Variants in GRIN2A observed in about 807,000 individuals in gnomAD.
GRIN2A encodes the protein glutamate ionotropic receptor NMDA type subunit 2A, also known as glutamate receptor ionotropic, NMDA 2A.
A neutral mutation model predicts 113.4 loss-of-function variants in GRIN2A; 22 were observed. That is an observed-to-expected ratio of 0.19 (90% CI 0.14 to 0.28). GRIN2A has a LOEUF of 0.28. GRIN2A is among the 10% of genes least tolerant of loss of function. GRIN2A has a pLI of 1.00. For synonymous variants in GRIN2A, 827 were observed against 738.4 expected (o/e 1.12, Z -1.94); for missense variants, 1,502 against 1,887.0 (o/e 0.80, Z 3.78).
At position 9,859,913 on chromosome 16, in the gene GRIN2A, A is replaced by G. The variant is rs368685636; in HGVS notation, c.1123-9952T>C. On this transcript the variant is annotated intron_variant, in intron 4 of 12. Coordinates refer to ENST00000330684, the MANE Select transcript of GRIN2A (RefSeq NM_001134407.3). ...CTCACTTGTTTATTCATGAGCCCAC[A>G]TGCCTTCAGTGCTTTCCACTGTGCC... Among the ~76,000 whole-genome samples the G allele has an allele frequency of 2.4e-4, 36 of 151,564 alleles. No individual in the cohort carries two copies. The East Asian group carries it at 6.1e-3, about 26-fold the overall frequency.
chr16:9,978,570 C>G lies in GRIN2A; in HGVS notation c.415-40019G>C, dbSNP rs574564237. The stretch of plus-strand genomic sequence containing the variant: ...CTTTCCTCCCCATCCTCCTCTTACT[C>G]CTCCTTAATGAAGCAAGATCTTCCC... On this transcript the variant is annotated intron_variant, in intron 2 of 12. Coordinates refer to ENST00000330684, the MANE Select transcript of GRIN2A (RefSeq NM_001134407.3). 3.9e-5 allele frequency among the ~76,000 whole-genome samples: 6 copies of G among 152,220 alleles called. No individual in the cohort carries two copies. In the South Asian group the frequency reaches 1.2e-3, roughly 32 times the overall value.
intron 2 of GRIN2A, among the ~76,000 whole-genome samples, chr16:10,106,293 G>A (rs996542783): frequency 2.0e-5 from 3 of 150,448 alleles, no homozygotes; most frequent in Non-Finnish European, 4.4e-5. Flanking sequence ...CTGGCACAGT[G>A]GCTCACTTCT....
At chr16:9,802,287 A>G (rs1287832461) in intron 10 of GRIN2A, among the ~76,000 whole-genome samples, 1 of 152,156 alleles carries the variant, frequency 6.6e-6, no homozygotes, top group Non-Finnish European at 1.5e-5. Context: ...ATCAACCTCA[A>G]TCAAACCCAC....
chr16:10,102,889 G>C (rs1427455720), intron 2 of GRIN2A, among the ~76,000 whole-genome samples: 1 of 152,174 alleles, frequency 6.6e-6, no homozygotes, highest in Non-Finnish European at 1.5e-5. Flanking sequence ...GATCACTCTT[G>C]CACTGGGGCA....
chr16:9,862,394 A>G (rs185354091), intron 4 of GRIN2A, among the ~76,000 whole-genome samples: 11 of 152,346 alleles, frequency 7.2e-5, no homozygotes, highest in Admixed American at 3.3e-4. Context: ...CAACTGTCTT[A>G]GAACCCAGTA....
rs535579050 is a variant in GRIN2A, at chr16:10,023,361, T to A, written c.415-84810A>T. ...CTATTTTCTTTAGTGGTTGTGTCTG[T>A]ATATATGTGGGTACATTCAGGTGTG... On this transcript the variant is annotated intron_variant, in intron 2 of 12. Transcript: ENST00000330684. Among the ~76,000 whole-genome samples the A allele has an allele frequency of 3.9e-5, 6 of 152,330 alleles. No individual in the cohort carries two copies. The South Asian group carries it at 1.2e-3, about 32-fold the overall frequency.
chr16:9,887,142 C>T (rs1422994910), intron 4 of GRIN2A, among the ~76,000 whole-genome samples: 2 of 152,168 alleles, frequency 1.3e-5, no homozygotes, highest in Admixed American at 1.3e-4. Context: ...CTGCCTTGGC[C>T]TCCCAAAGTG....
At chr16:10,179,471 C>T in intron 2 of GRIN2A, 1 of 167,838 alleles carries the variant, frequency 6.0e-6, no homozygotes, top group South Asian at 1.5e-4. Flanking sequence ...GACATTTTTT[C>T]TGCCCTTTTG....
At chr16:9,915,854 G>A (rs913571368) in intron 3 of GRIN2A, among the ~76,000 whole-genome samples, 36 of 152,204 alleles carry the variant, frequency 2.4e-4, no homozygotes, top group African/African-American at 8.0e-4. Context: ...GGTTTGTTGT[G>A]AGAATTAGAT....
rs147491915 is a variant in GRIN2A, at chr16:10,041,599, G to A, written c.415-103048C>T. Among the ~76,000 whole-genome samples the A allele has an allele frequency of 6.7e-4, 102 of 152,178 alleles. 1 individual carries two copies. The East Asian group carries it at 0.017, about 26-fold the overall frequency. The stretch of plus-strand genomic sequence containing the variant: ...TCTCACGGGGTCATTTAATGTCTCC[G>A]GGCTTGTTTCTTCATCTGTAAAATG... On this transcript the variant is annotated intron_variant, in intron 2 of 12. Coordinates refer to ENST00000330684, the MANE Select transcript of GRIN2A (RefSeq NM_001134407.3).
chr16:9,892,647 T>G (rs1325250691), intron 3 of GRIN2A, among the ~76,000 whole-genome samples: 5 of 152,154 alleles, frequency 3.3e-5, no homozygotes, highest in Non-Finnish European at 5.9e-5. Flanking sequence ...ATTTATACCC[T>G]CATCACTCCT....
At chr16:9,960,770 G>T (rs1390311217) in intron 2 of GRIN2A, among the ~76,000 whole-genome samples, 1 of 152,148 alleles carries the variant, frequency 6.6e-6, no homozygotes, top group African/African-American at 2.4e-5. Flanking sequence ...GACTACAGGT[G>T]TGTTCCACCA....
rs1018405762 is a variant in GRIN2A at position 9,762,702 on chromosome 16, T to C, written c.*447A>G. ...CATTCTTAACTGTTTTTATTTTGTC[T>C]GTGTCAGGTTTACATGCACACCATA... is the stretch of plus-strand genomic sequence containing the variant. On this transcript the variant is annotated 3_prime_UTR_variant, in exon 13 of 13. Transcript: ENST00000330684. 7 of 289,724 alleles carry C rather than the reference T, an allele frequency of 2.4e-5. No individual in the cohort carries two copies. The highest frequency in any genetic ancestry group is 1.5e-4 in the African/African-American group (7 of 46,758). The allele number at this position is 289,724 out of a possible 1,614,324, so 17.9% of individuals were successfully genotyped here. A position where few individuals can be genotyped will look rare whatever the true frequency, so the allele number is the denominator to read the frequency against.
chr16:10,076,963 C>A (rs1245093153), intron 2 of GRIN2A, among the ~76,000 whole-genome samples: 1 of 152,176 alleles, frequency 6.6e-6, no homozygotes, highest in African/African-American at 2.4e-5. Flanking sequence ...GGGAATTTAT[C>A]CTGGATGACC....
chr16:10,149,495 C>T (rs1276444986), intron 2 of GRIN2A, among the ~76,000 whole-genome samples: 1 of 152,190 alleles, frequency 6.6e-6, no homozygotes, highest in Non-Finnish European at 1.5e-5. Flanking sequence ...AAATTATCCT[C>T]AAATTTTAAA....
At position 10,048,084 on chromosome 16, in the gene GRIN2A, G is replaced by C. The variant is rs148956022; in HGVS notation, c.415-109533C>G. On this transcript the variant is annotated intron_variant, in intron 2 of 12. Transcript: ENST00000330684. The stretch of plus-strand genomic sequence containing the variant: ...CTTTACTTTAATGATTAAGAGTTCA[G>C]ACTCAATAGTTATATTTCCTGATTA... Among the ~76,000 whole-genome samples the C allele has an allele frequency of 6.6e-3, 997 of 152,206 alleles. 5 individuals are homozygous for C. The highest frequency in any genetic ancestry group is 0.017 in the Middle Eastern group (5 of 294).
chr16:9,771,895 C>T (rs1214821213), intron 11 of GRIN2A, among the ~76,000 whole-genome samples: 2 of 152,186 alleles, frequency 1.3e-5, no homozygotes, highest in Non-Finnish European at 2.9e-5. Context: ...CTGACAGCTT[C>T]AAACAGATGG....
chr16:10,175,092 CT>C (rs1388212586), intron 2 of GRIN2A, among the ~76,000 whole-genome samples: 4 of 152,148 alleles, frequency 2.6e-5, no homozygotes, highest in African/African-American at 9.7e-5. Context: ...GTAGAGTATG[CT>C]GTAGAGGCTT....
chr16:10,108,002 G>T (rs1263175841), intron 2 of GRIN2A, among the ~76,000 whole-genome samples: 3 of 152,210 alleles, frequency 2.0e-5, no homozygotes, highest in Non-Finnish European at 4.4e-5. Context: ...CCCTGGGCTA[G>T]ATCCTACTCA....
Sources: gnomAD v4.1 joint callset for allele counts (sites outside exome capture counted in the v4.1 genomes callset) on GRCh38, gnomAD v4.1.1 for gene constraint, MANE v1.5 for transcripts, NCBI Gene and HGNC (gene_info 2026-07-23, HGNC 2026-07-21) for gene names.